PSMA6: variants seen among roughly 807,000 people sequenced by gnomAD.
PSMA6 encodes the protein proteasome subunit alpha type-6.
For synonymous variants in PSMA6, 88 were observed against 97.7 expected, an observed-to-expected ratio of 0.90 and a Z score of 0.59; for missense variants, 170 against 294.8, an observed-to-expected ratio of 0.58 and a Z score of 3.10.
At position 35,310,453 on chromosome 14, in the gene PSMA6, T is replaced by G. The variant is rs143267191; in HGVS notation, c.254-287T>G. Among the ~76,000 whole-genome samples, 1,290 of 152,296 alleles carry G rather than the reference T, an allele frequency of 8.5e-3. 25 individuals are homozygous for G. Among genetic ancestry groups the G allele is most frequent in the African/African-American group, 0.029 (1,188 of 41,552 alleles). On this transcript the variant is annotated intron_variant, in intron 3 of 6. Transcript: ENST00000261479. The stretch of plus-strand genomic sequence containing the variant: ...CACCATGCCCTGCCTCCTTAATGCT[T>G]TTTCTTTTGGGAGTTACTGGATACT...
At chr14:35,288,944 A>G (rs2051448698), upstream of PSMA6, among the ~76,000 whole-genome samples, 1 of 152,170 alleles carries the variant, frequency 6.6e-6, no homozygotes, top group African/African-American at 2.4e-5. Context: ...ACATTCTTAA[A>G]ACATTATGAG....
chr14:35,304,348 G>T (rs2051780087), intron 1 of PSMA6, among the ~76,000 whole-genome samples: 1 of 152,184 alleles, frequency 6.6e-6, no homozygotes, highest in Admixed American at 6.5e-5. Context: ...TTATATCAGA[G>T]ACTTGAGTTT....
chr14:35,309,811 A>G (rs1566561450), intron 3 of PSMA6, among the ~76,000 whole-genome samples: 1 of 151,934 alleles, frequency 6.6e-6, no homozygotes. Context: ...AAAAACAAAA[A>G]TACCAAAAAA....
At chr14:35,305,627 T>G (rs983859653) in intron 1 of PSMA6, among the ~76,000 whole-genome samples, 6 of 152,236 alleles carry the variant, frequency 3.9e-5, no homozygotes, top group Non-Finnish European at 8.8e-5. Flanking sequence ...AGATGAGGCC[T>G]TGGCTCAGAC....
In PSMA6 at chr14:35,295,191, T is replaced by C. The variant is rs183654897; in HGVS notation, c.76+2639T>C. Among the ~76,000 whole-genome samples, 22 of 151,872 alleles carry C rather than the reference T, an allele frequency of 1.4e-4. No individual in the cohort carries two copies. In the East Asian group the frequency reaches 4.1e-3, roughly 29 times the overall value. On this transcript the variant is annotated intron_variant, in intron 1 of 6. Coordinates refer to ENST00000261479, the MANE Select transcript of PSMA6 (RefSeq NM_002791.3). ...TGTCTCTACTAAAAATACAAAAAAC[T>C]AGCTGCTTGTGCTGGCGTGCCTGTA...
intron 1 of PSMA6, chr14:35,278,848 A>G (rs1401814919): frequency 1.9e-6 from 2 of 1,033,534 alleles, no homozygotes; most frequent in East Asian, 5.3e-5. Flanking sequence ...TTTTTTTTCT[A>G]TCCTGTGTTC....
chr14:35,307,716 A>G (rs1594390018), intron 1 of PSMA6, among the ~76,000 whole-genome samples: 1 of 151,450 alleles, frequency 6.6e-6, no homozygotes, highest in East Asian at 1.9e-4. Flanking sequence ...CCTGGGTGAC[A>G]GAGCGAGACT....
chr14:35,299,978 G>A (rs1566556255), intron 1 of PSMA6, among the ~76,000 whole-genome samples: 1 of 152,102 alleles, frequency 6.6e-6, no homozygotes, highest in Non-Finnish European at 1.5e-5. Context: ...GGAAATTTGG[G>A]GGACCAGTGC....
intron 1 of PSMA6, among the ~76,000 whole-genome samples, chr14:35,304,852 CAAGAGG>C (rs1168791425): frequency 6.6e-6 from 1 of 152,052 alleles, no homozygotes; most frequent in Non-Finnish European, 1.5e-5. Context: ...GAAGCCGAGG[CAAGAGG>C]ATCATTTGAG....
upstream of PSMA6, among the ~76,000 whole-genome samples, chr14:35,292,093 T>C (rs987745357): frequency 1.3e-5 from 2 of 152,148 alleles, no homozygotes; most frequent in Non-Finnish European, 2.9e-5. Flanking sequence ...AATTACACGT[T>C]CTATTTAGGT....
chr14:35,284,938 TCTG>T (rs2051404755), intron 1 of PSMA6, among the ~76,000 whole-genome samples: 1 of 152,218 alleles, frequency 6.6e-6, no homozygotes, highest in African/African-American at 2.4e-5. Flanking sequence ...AGTGCCTAAA[TCTG>T]CTGTCTGTGG....
At chr14:35,279,890 C>T (rs1239450994) in intron 1 of PSMA6, among the ~76,000 whole-genome samples, 4 of 151,758 alleles carry the variant, frequency 2.6e-5, no homozygotes, top group African/African-American at 9.7e-5. Flanking sequence ...TTTGGGAGGC[C>T]GAGGCGGGCG....
chr14:35,309,097 T>A (rs2051888900), intron 3 of PSMA6, 102 bp downstream of exon 3: 1 of 892,522 alleles, frequency 1.1e-6, no homozygotes, highest in Non-Finnish European at 1.7e-6. Flanking sequence ...ACTTATTGCC[T>A]GATTTTCAAG....
intron 3 of PSMA6, 84 bp downstream of exon 3, chr14:35,309,079 A>C (rs924460046): frequency 1.5e-5 from 16 of 1,070,764 alleles, no homozygotes; most frequent in Non-Finnish European, 1.7e-5. Context: ...GTTTTGTATT[A>C]ATTTTAAACT....
rs554289737 is a variant in PSMA6 at position 35,314,453 on chromosome 14, C to T, written c.681C>T (p.Phe227=). ...TAGTGACAGTTGAAAATCCTAAATT[C>T]AGGTGAGTGATATTGTGGGCCACAT... The part of the protein sequence containing the change: ...VGVVTVENPK[F]RILTEAEIDA... Residue 227 remains phenylalanine (F), a splice_region_variant and synonymous_variant, in exon 6 of 7, where the codon TTC becomes TTT. Coordinates refer to ENST00000261479, the MANE Select transcript of PSMA6 (RefSeq NM_002791.3). 9 of 1,609,098 alleles carry T rather than the reference C, an allele frequency of 5.6e-6. No homozygotes were observed. In the East Asian group the frequency reaches 2.0e-4, roughly 36 times the overall value.
upstream of PSMA6, among the ~76,000 whole-genome samples, chr14:35,290,793 G>C (rs1188141738): frequency 6.6e-6 from 1 of 152,026 alleles, no homozygotes; most frequent in Admixed American, 6.6e-5. Flanking sequence ...GTGTGCCTTG[G>C]GGAAAGTCAA....
intron 1 of PSMA6, among the ~76,000 whole-genome samples, chr14:35,304,095 C>T (rs1487014759): frequency 6.6e-6 from 1 of 152,036 alleles, no homozygotes; most frequent in Non-Finnish European, 1.5e-5. Flanking sequence ...GCCTCAGCCT[C>T]CTGAGTAGCT....
rs898990963 is a variant in PSMA6 at position 35,297,135 on chromosome 14, T to G, written c.76+4583T>G. Among the ~76,000 whole-genome samples the G allele has an allele frequency of 1.0e-4, 15 of 149,730 alleles. 1 individual carries two copies. Among genetic ancestry groups the G allele is most frequent in the Non-Finnish European group, 1.6e-4 (11 of 67,460 alleles). ...CTTAACAAAGTTTTTTTTTTTTTTT[T>G]TTTTTTTTTTTGCCACACAGCATTG... On this transcript the variant is annotated intron_variant, in intron 1 of 6. Coordinates refer to ENST00000261479, the MANE Select transcript of PSMA6 (RefSeq NM_002791.3).
upstream of PSMA6, chr14:35,278,604 C>A: frequency 7.6e-7 from 1 of 1,320,986 alleles, no homozygotes; most frequent in Non-Finnish European, 1.0e-6. Context: ...CCTGACGATT[C>A]CATCCATGCG....
Sources: allele counts gnomAD v4.1 joint callset (sites outside exome capture counted in the v4.1 genomes callset), GRCh38; gene constraint gnomAD v4.1.1; transcripts MANE v1.5; gene names NCBI Gene and HGNC (gene_info 2026-07-23, HGNC 2026-07-21).